The following SAMMSON variants were observed in gnomAD, a reference collection of about 807,000 sequenced individuals.
SAMMSON encodes long intergenic non-protein coding RNA 1212.
intron 3 of SAMMSON, among the ~76,000 whole-genome samples, chr3:70,031,043 G>A (rs2067063675): frequency 6.6e-6 from 1 of 152,036 alleles, no homozygotes; most frequent in Non-Finnish European, 1.5e-5. Flanking sequence ...CCACTCCTAG[G>A]TACATACCCA....
chr3:70,010,662 T>C (rs1335210825), intron 1 of SAMMSON, among the ~76,000 whole-genome samples: 1 of 150,136 alleles, frequency 6.7e-6, no homozygotes, highest in African/African-American at 2.5e-5. Context: ...TATGTGCCAT[T>C]GTATTAGTTA....
chr3:70,231,380 GC>G (rs1701558855), intron 4 of SAMMSON, among the ~76,000 whole-genome samples: 1 of 152,206 alleles, frequency 6.6e-6, no homozygotes, highest in African/African-American at 2.4e-5. Flanking sequence ...ACGCAAACTT[GC>G]GTTTTTTCTC....
intron 4 of SAMMSON, among the ~76,000 whole-genome samples, chr3:70,146,283 C>A (rs183787214): frequency 1.4e-4 from 21 of 152,078 alleles, no homozygotes; most frequent in African/African-American, 5.1e-4. Context: ...TATGCCCAAT[C>A]TTGAGAAGCG....
At chr3:70,285,979 T>C (rs953763571) in intron 6 of SAMMSON, among the ~76,000 whole-genome samples, 1 of 151,692 alleles carries the variant, frequency 6.6e-6, no homozygotes, top group Non-Finnish European at 1.5e-5. Context: ...GATGAGTAGG[T>C]TGTGAAAATT....
chr3:70,199,050 A>G lies in SAMMSON; in HGVS notation n.508-50057A>G, dbSNP rs116645797. Among the ~76,000 whole-genome samples, 849 of 152,338 alleles carry G rather than the reference A, an allele frequency of 5.6e-3. 12 individuals are homozygous for G. Among genetic ancestry groups the G allele is most frequent in the African/African-American group, 0.019 (800 of 41,592 alleles). ...AAGAGGCTGTCAGCAGACAATCTCC[A>G]AGTGAATACTCTGTGATCCCTCAGG... is the stretch of plus-strand genomic sequence containing the variant. On this transcript the variant is annotated intron_variant and non_coding_transcript_variant, in intron 4 of 9. Coordinates refer to ENST00000642114, the Ensembl canonical transcript of SAMMSON.
intron 7 of SAMMSON, among the ~76,000 whole-genome samples, chr3:70,343,879 G>A (rs1208115861): frequency 1.3e-5 from 2 of 149,424 alleles, no homozygotes; most frequent in Non-Finnish European, 3.0e-5. Flanking sequence ...ATAGATTTTT[G>A]TTTCATATTT....
At chr3:70,003,718 T>TG (rs57216916) in intron 1 of SAMMSON, among the ~76,000 whole-genome samples, 84,656 of 151,504 alleles carry the variant, frequency 0.56, 25,458 homozygotes, top group African/African-American at 0.77. Flanking sequence ...ATTTACCATA[T>TG]TTTTTTTGCT....
At chr3:70,257,707 A>G (rs761610138) in intron 6 of SAMMSON, among the ~76,000 whole-genome samples, 1 of 152,174 alleles carries the variant, frequency 6.6e-6, no homozygotes, top group Non-Finnish European at 1.5e-5. Flanking sequence ...GCATCGGAAG[A>G]CTCAATACTG....
At chr3:70,198,051 A>G (rs752423689) in intron 4 of SAMMSON, among the ~76,000 whole-genome samples, 1 of 152,182 alleles carries the variant, frequency 6.6e-6, no homozygotes, top group Non-Finnish European at 1.5e-5. Flanking sequence ...TCTTGTTAAA[A>G]TTTTAACTTT....
intron 4 of SAMMSON, chr3:70,197,095 G>A (rs1322028929): frequency 2.5e-6 from 1 of 398,562 alleles, no homozygotes; most frequent in Admixed American, 4.4e-5. Context: ...GCACATTTTG[G>A]TACACACCGT....
chr3:70,020,052 TA>T (rs1182600914), intron 3 of SAMMSON, among the ~76,000 whole-genome samples: 1 of 152,126 alleles, frequency 6.6e-6, no homozygotes, highest in East Asian at 1.9e-4. Flanking sequence ...GCAAAGGCCT[TA>T]AAGGTAGAGT....
At chr3:70,433,577 T>G (rs1256842256) in intron 2 of SAMMSON, among the ~76,000 whole-genome samples, 1 of 152,170 alleles carries the variant, frequency 6.6e-6, no homozygotes, top group Non-Finnish European at 1.5e-5. Flanking sequence ...AGATACATAT[T>G]TGGAAAGATT....
chr3:70,299,928 C>T (rs1225882952), intron 7 of SAMMSON, among the ~76,000 whole-genome samples: 1 of 152,046 alleles, frequency 6.6e-6, no homozygotes, highest in Non-Finnish European at 1.5e-5. Context: ...CTCCCACACA[C>T]GCCCTTTCTC....
chr3:70,174,972 G>A lies in SAMMSON; in HGVS notation n.508-74135G>A, dbSNP rs145941230. Among the ~76,000 whole-genome samples, 547 of 152,112 alleles carry A rather than the reference G, an allele frequency of 3.6e-3. 2 individuals carry two copies. The highest frequency in any genetic ancestry group is 0.012 in the African/African-American group (511 of 41,516). On this transcript the variant is annotated intron_variant and non_coding_transcript_variant, in intron 4 of 9. Transcript: ENST00000642114. ...CATTTTAATGTTTTCAAATTGAAAT[G>A]CATCTTAAAATCAATATGAACACTT...
rs1701220746 is a variant in SAMMSON at position 70,411,700 on chromosome 3, A to T, written n.234-50860A>T. ...AAGTCTCACAAGAACTGATGGTTTT[A>T]TAAATGGCAGTTCCCCTGCATGCAC... On this transcript the variant is annotated intron_variant and non_coding_transcript_variant, in intron 2 of 3. Transcript: ENST00000641053. Among the ~76,000 whole-genome samples the T allele has an allele frequency of 9.2e-5, 14 of 152,148 alleles. No individual in the cohort carries two copies. In the South Asian group the frequency reaches 2.7e-3, roughly 29 times the overall value.
chr3:70,405,004 G>A (rs1701167701), intron 2 of SAMMSON, among the ~76,000 whole-genome samples: 1 of 152,124 alleles, frequency 6.6e-6, no homozygotes, highest in African/African-American at 2.4e-5. Flanking sequence ...CCAAAACAAA[G>A]CAAAACAAAT....
chr3:70,000,984 G>A (rs2066903356), intron 1 of SAMMSON, among the ~76,000 whole-genome samples: 1 of 152,054 alleles, frequency 6.6e-6, no homozygotes, highest in Non-Finnish European at 1.5e-5. Flanking sequence ...GTTGCCATGT[G>A]TGCACTGCAG....
At chr3:70,009,068 C>G (rs983815891) in intron 1 of SAMMSON, 3 of 151,958 alleles carry the variant, frequency 2.0e-5, no homozygotes, top group Non-Finnish European at 4.4e-5. Context: ...TTTTTGCATC[C>G]ATGTTCGTCA....
At chr3:70,245,668 G>GC in intron 4 of SAMMSON, among the ~76,000 whole-genome samples, 1 of 81,234 alleles carries the variant, frequency 1.2e-5, no homozygotes, top group Non-Finnish European at 2.4e-5. Context: ...TTTGCAAACT[G>GC]CTTTATATAT....
Sources: allele counts gnomAD v4.1 joint callset (sites outside exome capture counted in the v4.1 genomes callset), GRCh38; gene constraint gnomAD v4.1.1; transcripts MANE v1.5; gene names NCBI Gene and HGNC (gene_info 2026-07-23, HGNC 2026-07-21).